The following LRP1B variants were observed in gnomAD, a reference collection of about 807,000 sequenced individuals.
LRP1B encodes LDL receptor related protein 1B.
LRP1B carries 217 observed loss-of-function variants against 556.6 expected under a neutral mutation model. The observed-to-expected ratio is 0.39, with a 90% CI of 0.35 to 0.44. LRP1B has a LOEUF of 0.44. LRP1B is among the 20% of genes least tolerant of loss of function. LRP1B has a pLI of 1.00. For synonymous variants in LRP1B, 2,047 were observed against 1,865.8 expected, an observed-to-expected ratio of 1.10 and a Z score of -2.50; for missense variants, 5,053 against 5,620.8, an observed-to-expected ratio of 0.90 and a Z score of 3.23.
At chr2:140,822,233 C>T (rs1691354018) in intron 31 of LRP1B, among the ~76,000 whole-genome samples, 1 of 152,118 alleles carries the variant, frequency 6.6e-6, no homozygotes, top group Non-Finnish European at 1.5e-5. Context: ...TTTAATATAT[C>T]CAAGACTGAG....
rs1236041290 is a variant in LRP1B, at chr2:141,464,584, G to GTATATA, written c.343+15806_343+15811dup. ...CCCGCCACCACGCCTGGCTAATTTT[G>GTATATA]TATATATATATATATATATATATTT... On this transcript the variant is annotated intron_variant, in intron 3 of 90. Coordinates refer to ENST00000389484, the MANE Select transcript of LRP1B (RefSeq NM_018557.3). Among the ~76,000 whole-genome samples, 27 of 88,406 alleles carry GTATATA rather than the reference G, an allele frequency of 3.1e-4. 1 individual carries two copies. Among genetic ancestry groups the GTATATA allele is most frequent in the South Asian group, 7.8e-4 (2 of 2,554 alleles). The allele number at this position is 88,406 out of a possible 152,430, so 58.0% of individuals were successfully genotyped here. A position where few individuals can be genotyped will look rare whatever the true frequency, so the allele number is the denominator to read the frequency against.
intron 32 of LRP1B, among the ~76,000 whole-genome samples, chr2:140,789,425 A>C (rs1373336052): frequency 6.6e-6 from 1 of 152,082 alleles, no homozygotes; most frequent in Non-Finnish European, 1.5e-5. Context: ...TACTCCTTTT[A>C]AAATCTAAAC....
intron 32 of LRP1B, among the ~76,000 whole-genome samples, chr2:140,810,362 G>T (rs1444864599): frequency 6.6e-6 from 1 of 152,054 alleles, no homozygotes; most frequent in Non-Finnish European, 1.5e-5. Flanking sequence ...TGTTTTCTGG[G>T]TGTGTAATTT....
At chr2:141,791,355 C>A (rs945803825) in intron 2 of LRP1B, among the ~76,000 whole-genome samples, 4 of 151,900 alleles carry the variant, frequency 2.6e-5, no homozygotes, top group Admixed American at 2.6e-4. Context: ...TTTCAGTGCT[C>A]TATTTATATG....
chr2:141,486,617 C>A (rs1311385041), intron 2 of LRP1B, among the ~76,000 whole-genome samples: 3 of 152,042 alleles, frequency 2.0e-5, no homozygotes, highest in Admixed American at 6.6e-5. Flanking sequence ...CTACCTTACA[C>A]GGTATTATAT....
chr2:140,429,401 T>C (rs1685816522), intron 66 of LRP1B, among the ~76,000 whole-genome samples: 1 of 152,146 alleles, frequency 6.6e-6, no homozygotes, highest in Non-Finnish European at 1.5e-5. Flanking sequence ...ATGCTTTCTT[T>C]ACTATTCCTT....
At chr2:141,366,850 T>A (rs1689055221) in intron 3 of LRP1B, among the ~76,000 whole-genome samples, 1 of 151,642 alleles carries the variant, frequency 6.6e-6, no homozygotes, top group Admixed American at 6.6e-5. Context: ...TCTCAATCTC[T>A]GTCAAAAATT....
At chr2:140,696,535 A>T (rs1686435734) in intron 41 of LRP1B, among the ~76,000 whole-genome samples, 1 of 152,178 alleles carries the variant, frequency 6.6e-6, no homozygotes, top group South Asian at 2.1e-4. Flanking sequence ...TTAAGACAAA[A>T]ATCATTGTCC....
At chr2:141,063,214 A>G (rs1699388598) in intron 7 of LRP1B, among the ~76,000 whole-genome samples, 1 of 151,846 alleles carries the variant, frequency 6.6e-6, no homozygotes, top group East Asian at 1.9e-4. Context: ...CAATATTAAG[A>G]TTACCTAGAG....
At chr2:141,888,713 G>A (rs1558941599) in intron 1 of LRP1B, among the ~76,000 whole-genome samples, 2 of 152,168 alleles carry the variant, frequency 1.3e-5, no homozygotes. Context: ...CTAAGGAGAG[G>A]GGATTAGAGC....
rs978520892 is a variant in LRP1B, at chr2:140,526,743, C to T, written c.7763-393G>A. Reference sequence around the variant, plus strand: ...TGTTGCTGGAAATTCTCTCTCTTTCCACCTTCAACATTCCAAGGTTATGAC... The same window carrying T: ...TGTTGCTGGAAATTCTCTCTCTTTCTACCTTCAACATTCCAAGGTTATGAC... On this transcript the variant is annotated intron_variant, in intron 47 of 90. Transcript: ENST00000389484. 8.0e-5 allele frequency among the ~76,000 whole-genome samples: 12 copies of T among 150,178 alleles called. 1 individual carries two copies. Among genetic ancestry groups the T allele is most frequent in the African/African-American group, 2.9e-4 (12 of 40,954 alleles).
chr2:141,036,321 C>A (rs1048697335), intron 11 of LRP1B, among the ~76,000 whole-genome samples: 6 of 152,006 alleles, frequency 3.9e-5, no homozygotes, highest in Admixed American at 6.6e-5. Context: ...ATACCCAACA[C>A]AAAGAATTTC....
intron 35 of LRP1B, among the ~76,000 whole-genome samples, chr2:140,749,475 A>T (rs534204273): frequency 2.0e-5 from 3 of 152,230 alleles, no homozygotes; most frequent in African/African-American, 7.2e-5. Context: ...TATTATATAA[A>T]CTTTATTCTG....
chr2:141,336,114 CAAA>C (rs60102985), intron 3 of LRP1B, among the ~76,000 whole-genome samples: 4 of 93,030 alleles, frequency 4.3e-5, no homozygotes, highest in African/African-American at 8.8e-5. Flanking sequence ...CAGACCTGTC[CAAA>C]AAAAAAAAAA....
chr2:140,361,705 C>T (rs780206392), intron 72 of LRP1B, among the ~76,000 whole-genome samples: 3 of 151,392 alleles, frequency 2.0e-5, no homozygotes, highest in Non-Finnish European at 4.4e-5. Context: ...CTTGTTGTCA[C>T]TCAATATTCT....
chr2:140,431,861 CT>C (rs1156952583), intron 66 of LRP1B, among the ~76,000 whole-genome samples: 3 of 152,172 alleles, frequency 2.0e-5, no homozygotes, highest in South Asian at 2.1e-4. Context: ...CACACCGCCC[CT>C]AATCCCTCTC....
chr2:142,106,713 T>C (rs1324198818), intron 1 of LRP1B, among the ~76,000 whole-genome samples: 1 of 152,146 alleles, frequency 6.6e-6, no homozygotes, highest in Non-Finnish European at 1.5e-5. Flanking sequence ...TAAGACAAAG[T>C]CTAGAGTATA....
At chr2:141,250,487 T>C (rs1384486632) in intron 4 of LRP1B, among the ~76,000 whole-genome samples, 4 of 152,168 alleles carry the variant, frequency 2.6e-5, no homozygotes, top group Admixed American at 2.6e-4. Context: ...CATAGAAGCT[T>C]CCCTCTCCCA....
intron 2 of LRP1B, among the ~76,000 whole-genome samples, chr2:141,517,993 G>T (rs1324382471): frequency 1.3e-5 from 2 of 152,128 alleles, no homozygotes; most frequent in Non-Finnish European, 2.9e-5. Context: ...CACTAGAAAT[G>T]AGGAGATAAG....
Sources: gnomAD v4.1 joint callset for allele counts (sites outside exome capture counted in the v4.1 genomes callset) on GRCh38, gnomAD v4.1.1 for gene constraint, MANE v1.5 for transcripts, NCBI Gene and HGNC (gene_info 2026-07-23, HGNC 2026-07-21) for gene names.